RBM47: variants seen among roughly 807,000 people sequenced by gnomAD.
RBM47 encodes RNA binding motif protein 47.
In RBM47, 21 loss-of-function variants were observed where a neutral mutation model predicts 47.1. That is an observed-to-expected ratio of 0.45 (90% CI 0.32 to 0.64). RBM47 has a LOEUF of 0.64. RBM47 is among the 30% of genes least tolerant of loss of function. RBM47 has a pLI of 0.05. For synonymous variants in RBM47, 375 were observed against 361.7 expected (o/e 1.04, Z -0.42); for missense variants, 708 against 870.9 (o/e 0.81, Z 2.35).
chr4:40,543,160 A>G (rs1396470791), intron 2 of RBM47: 2 of 152,254 alleles, frequency 1.3e-5, no homozygotes, highest in Non-Finnish European at 2.9e-5. Flanking sequence ...AATGTGGCTT[A>G]GGGAATCATG....
intron 2 of RBM47, 57 bp from the exon 3 acceptor site, chr4:40,466,756 A>T (rs1186641366): frequency 9.4e-6 from 1 of 106,344 alleles, no homozygotes; most frequent in African/African-American, 3.9e-5. Context: ...TGATTTTCAT[A>T]TGTGCATTAG....
chr4:40,488,511 T>C (rs969149393), intron 2 of RBM47, among the ~76,000 whole-genome samples: 1 of 152,202 alleles, frequency 6.6e-6, no homozygotes, highest in Non-Finnish European at 1.5e-5. Flanking sequence ...ATCATCATTG[T>C]AATATGGGTG....
At position 40,425,833 on chromosome 4, in the gene RBM47, C is replaced by G; in HGVS notation, c.*71G>C. The G allele has an allele frequency of 1.3e-6, 2 of 1,552,188 alleles. No homozygotes were observed. Among genetic ancestry groups the G allele is most frequent in the South Asian group, 2.4e-5 (2 of 83,654 alleles). On this transcript the variant is annotated 3_prime_UTR_variant, in exon 7 of 7. Transcript: ENST00000295971. ...GTTGCATGTGTGAATCCAACATGTT[C>G]CTTCTTCATAAATAGTCAAGCGTTC...
chr4:40,434,735 C>G (rs1340281343), intron 5 of RBM47, among the ~76,000 whole-genome samples: 1 of 144,310 alleles, frequency 6.9e-6, no homozygotes, highest in African/African-American at 2.6e-5. Context: ...AAAATCATTA[C>G]TAGAATCATC....
rs28577889 is a variant in RBM47, at chr4:40,554,479, A to C, written c.-239-9973T>G. 4.8e-3 allele frequency among the ~76,000 whole-genome samples: 728 copies of C among 151,194 alleles called. 4 individuals carry two copies. Among genetic ancestry groups the C allele is most frequent in the African/African-American group, 0.017 (698 of 41,172 alleles). ...CACAAATGAAGTCTCCAGTGGCTTC[A>C]TCATAACAAGTAAGTTTACTTTATG... is the stretch of plus-strand genomic sequence containing the variant. On this transcript the variant is annotated intron_variant, in intron 1 of 6. Transcript: ENST00000295971.
chr4:40,624,810 GA>G (rs1296369270), intron 1 of RBM47, among the ~76,000 whole-genome samples: 2 of 149,870 alleles, frequency 1.3e-5, no homozygotes, highest in Non-Finnish European at 3.0e-5. Flanking sequence ...TTAATCAAAT[GA>G]CAACACACAA....
In RBM47 at chr4:40,569,012, T is replaced by C. The variant is rs112814391; in HGVS notation, c.-239-24506A>G. ...ATAGATAGATAGATAGATAGATAGA[T>C]AGATAGACAGACAGACAGACAGACA... On this transcript the variant is annotated intron_variant, in intron 1 of 6. Coordinates refer to ENST00000295971, the MANE Select transcript of RBM47 (RefSeq NM_001098634.2). Among the ~76,000 whole-genome samples, 554 of 90,606 alleles carry C rather than the reference T, an allele frequency of 6.1e-3. 5 individuals are homozygous for C. The highest frequency in any genetic ancestry group is 0.011 in the Non-Finnish European group (432 of 38,648). The allele number at this position is 90,606 out of a possible 152,430, so 59.4% of individuals were successfully genotyped here.
intron 1 of RBM47, among the ~76,000 whole-genome samples, chr4:40,629,168 G>A (rs934874358): frequency 6.6e-6 from 1 of 152,054 alleles, no homozygotes; most frequent in Non-Finnish European, 1.5e-5. Context: ...AAACACGATG[G>A]GACTGACTGT....
chr4:40,578,790 G>A (rs1732576898), intron 1 of RBM47, among the ~76,000 whole-genome samples: 1 of 152,218 alleles, frequency 6.6e-6, no homozygotes, highest in African/African-American at 2.4e-5. Context: ...CACACAAAGT[G>A]CTTGGCACAA....
At chr4:40,426,186 T>G (rs999549978) in intron 6 of RBM47, 43 bp from the exon 7 acceptor site, 5 of 1,591,184 alleles carry the variant, frequency 3.1e-6, no homozygotes, top group African/African-American at 1.3e-5. Flanking sequence ...AACACGTGTA[T>G]GTACCTATCA....
intron 2 of RBM47, among the ~76,000 whole-genome samples, chr4:40,503,257 A>G (rs1723639686): frequency 6.6e-6 from 1 of 152,216 alleles, no homozygotes; most frequent in Non-Finnish European, 1.5e-5. Flanking sequence ...CTCAAGGTGG[A>G]AGGAGGCTGG....
At chr4:40,508,474 T>C (rs1724427832) in intron 2 of RBM47, among the ~76,000 whole-genome samples, 1 of 152,164 alleles carries the variant, frequency 6.6e-6, no homozygotes, top group African/African-American at 2.4e-5. Flanking sequence ...TTCCTGAAAA[T>C]GCTCTGCGTT....
Position 40,425,118 on chromosome 4 carries a change from G to A in RBM47, c.*786C>T, listed in dbSNP as rs1714844928. On this transcript the variant is annotated 3_prime_UTR_variant, in exon 7 of 7. Transcript: ENST00000295971. ...ACATTGCGGTGGGATTGGGAATCTGGGGAGGAGGGGACAGGGTGAGAGATG... is the reference window on the plus strand; with the variant it reads ...ACATTGCGGTGGGATTGGGAATCTGAGGAGGAGGGGACAGGGTGAGAGATG... The A allele has an allele frequency of 6.6e-6, 1 of 152,584 alleles. No individual in the cohort carries two copies. The allele number at this position is 152,584 out of a possible 1,614,324, so 9.5% of individuals were successfully genotyped here.
chr4:40,469,974 A>T (rs1197172348), intron 2 of RBM47, among the ~76,000 whole-genome samples: 6 of 152,170 alleles, frequency 3.9e-5, no homozygotes, highest in Non-Finnish European at 8.8e-5. Context: ...AAAAATCTTC[A>T]AGCAAAACCT....
intron 2 of RBM47, among the ~76,000 whole-genome samples, chr4:40,477,966 A>T: frequency 6.6e-6 from 1 of 151,314 alleles, no homozygotes; most frequent in East Asian, 1.9e-4. Context: ...GCACGTGTGC[A>T]TCACAGTAGA....
rs79736727 is a variant in RBM47 at position 40,526,921 on chromosome 4, G to A, written c.-155+17501C>T. 9.1e-3 allele frequency among the ~76,000 whole-genome samples: 1,372 copies of A among 150,598 alleles called. 36 individuals are homozygous for A. Among genetic ancestry groups the A allele is most frequent in the African/African-American group, 0.032 (1,313 of 40,916 alleles). On this transcript the variant is annotated intron_variant, in intron 2 of 6. Transcript: ENST00000295971. ...TGACTTAGAGCAATGGAAAAGGGCTGGCAGCATTGACTGGTGACTGCTGCA... is the reference window on the plus strand; with the variant it reads ...TGACTTAGAGCAATGGAAAAGGGCTAGCAGCATTGACTGGTGACTGCTGCA...
chr4:40,484,736 A>G (rs940842685), intron 2 of RBM47, among the ~76,000 whole-genome samples: 1 of 152,044 alleles, frequency 6.6e-6, no homozygotes, highest in African/African-American at 2.4e-5. Context: ...CCAGATTCTT[A>G]TTTTCCTTTG....
At chr4:40,589,240 T>G (rs558589648) in intron 1 of RBM47, among the ~76,000 whole-genome samples, 1 of 151,772 alleles carries the variant, frequency 6.6e-6, no homozygotes, top group South Asian at 2.1e-4. Context: ...AGTCCTGGGA[T>G]TATAGGCGTG....
intron 1 of RBM47, among the ~76,000 whole-genome samples, chr4:40,587,065 T>A (rs1166306294): frequency 6.6e-6 from 1 of 151,844 alleles, no homozygotes; most frequent in Non-Finnish European, 1.5e-5. Flanking sequence ...CTCAAATGTG[T>A]GATACAGGCA....
Sources: allele counts gnomAD v4.1 joint callset (sites outside exome capture counted in the v4.1 genomes callset), GRCh38; gene constraint gnomAD v4.1.1; transcripts MANE v1.5; gene names NCBI Gene and HGNC (gene_info 2026-07-23, HGNC 2026-07-21).